The following KANSL3 variants were observed in gnomAD, a reference collection of about 807,000 sequenced individuals.
KANSL3 encodes the protein NSL complex protein NSL3.
A neutral mutation model predicts 89.2 loss-of-function variants in KANSL3; 16 were observed. That is an observed-to-expected ratio of 0.18 (90% CI 0.12 to 0.27). The LOEUF is 0.27. KANSL3 is among the 10% of genes least tolerant of loss of function. The probability of loss-of-function intolerance (pLI) is 1.00; values close to 1 mark genes in which losing one functional copy is unlikely to be tolerated. For synonymous variants in KANSL3, 385 were observed against 419.7 expected (o/e 0.92, Z 1.01); for missense variants, 879 against 1,110.6 (o/e 0.79, Z 2.96).
chr2:96,605,631 A>G, intron 14 of KANSL3, 120 bp from the exon 15 acceptor site: 1 of 802,960 alleles, frequency 1.2e-6, no homozygotes, highest in Non-Finnish European at 2.1e-6. Context: ...TAACCACTCT[A>G]CGTACAGGGC....
At chr2:96,596,519 A>G (rs1229258191) in intron 20 of KANSL3, among the ~76,000 whole-genome samples, 2 of 152,240 alleles carry the variant, frequency 1.3e-5, no homozygotes, top group Non-Finnish European at 2.9e-5. Flanking sequence ...ACACCAATGA[A>G]GAGGAGTTTG....
In KANSL3 at chr2:96,611,048, T is replaced by G; in HGVS notation, c.1161+16A>C. ...CACTGCCAATGACCCAGCACTCAGC[T>G]TTACCACATTCTTACCCCTCTGGGG... is the stretch of plus-strand genomic sequence containing the variant. On this transcript the variant is annotated intron_variant, in intron 10 of 20. Transcript: ENST00000431828. The G allele has an allele frequency of 7.4e-6, 12 of 1,613,406 alleles. No homozygotes were observed. The highest frequency in any genetic ancestry group is 1.0e-5 in the Non-Finnish European group (12 of 1,179,342).
Position 96,602,318 on chromosome 2 carries a change from G to A in KANSL3, c.2280C>T (p.Pro760=). ...PAPQATSVKL[P]TPMQSLGAIT... is the part of the protein sequence containing the mutation. ...TGGCACCCAGGCTCTGCATGGGGGT[G>A]GGCAACTTCACACTGGTGGCCTGTG... is the stretch of plus-strand genomic sequence containing the variant. Residue 760 remains proline (P), a synonymous_variant, in exon 19 of 21, where the codon CCC becomes CCT. Transcript: ENST00000431828. 1.2e-6 allele frequency: 2 copies of A among 1,609,986 alleles called. No homozygotes were observed. The highest frequency in any genetic ancestry group is 1.7e-6 in the Non-Finnish European group (2 of 1,178,478).
intron 14 of KANSL3, chr2:96,605,779 C>T (rs1207705304): frequency 7.9e-6 from 2 of 254,024 alleles, no homozygotes; most frequent in Non-Finnish European, 1.5e-5. Flanking sequence ...GAGAAGGGGC[C>T]CTGAGTTGGT....
chr2:96,625,811 GA>G (rs1288871821), intron 3 of KANSL3, among the ~76,000 whole-genome samples: 1 of 151,610 alleles, frequency 6.6e-6, no homozygotes, highest in Non-Finnish European at 1.5e-5. Context: ...TAAGTGGGCA[GA>G]AAAAAAATGA....
intron 3 of KANSL3, among the ~76,000 whole-genome samples, chr2:96,621,462 C>T (rs559731943): frequency 1.3e-5 from 2 of 150,694 alleles, no homozygotes; most frequent in South Asian, 4.2e-4. Context: ...TGCAGTGAGC[C>T]GAGATTGCGC....
chr2:96,604,405 T>C, intron 16 of KANSL3, 25 bp from the exon 17 acceptor site: 1 of 1,604,594 alleles, frequency 6.2e-7, no homozygotes, highest in South Asian at 1.1e-5. Context: ...AGGAGCTCTG[T>C]TATCCAAAGG....
chr2:96,628,792 G>A (rs2072870712), intron 3 of KANSL3: 3 of 150,958 alleles, frequency 2.0e-5, no homozygotes, highest in African/African-American at 7.3e-5. Context: ...AAATCACACA[G>A]TTCTCCTATG....
intron 14 of KANSL3, chr2:96,606,341 T>A (rs898072346): frequency 6.6e-6 from 1 of 152,564 alleles, no homozygotes; most frequent in African/African-American, 2.4e-5. Context: ...GACTCTTAGG[T>A]TATCTTTCAA....
At chr2:96,602,975 T>G in intron 17 of KANSL3, 113 bp from the exon 18 acceptor site, 1 of 886,570 alleles carries the variant, frequency 1.1e-6, no homozygotes, top group South Asian at 1.6e-5. Flanking sequence ...TGCTTGCCCT[T>G]GGACACCCGT....
chr2:96,595,720 G>A, intron 20 of KANSL3, 89 bp from the exon 21 acceptor site: 1 of 1,397,972 alleles, frequency 7.2e-7, no homozygotes, highest in Non-Finnish European at 9.9e-7. Context: ...CCCAACTCCT[G>A]AGAATTTATT....
In KANSL3 at chr2:96,596,153, C is replaced by A. The variant is rs146662971; in HGVS notation, c.2617-522G>T. ...GGGATGCCATCAATGTTGAGCCCTG[C>A]AGCTTAAGAATAAGGAAGCAAGTAG... On this transcript the variant is annotated intron_variant, in intron 20 of 20. Transcript: ENST00000431828. Among the ~76,000 whole-genome samples the A allele has an allele frequency of 7.5e-3, 1,142 of 152,328 alleles. 6 individuals are homozygous for A. Among genetic ancestry groups the A allele is most frequent in the Admixed American group, 0.013 (201 of 15,306 alleles).
At chr2:96,630,282 A>G (rs1054207305) in intron 3 of KANSL3, among the ~76,000 whole-genome samples, 8 of 152,242 alleles carry the variant, frequency 5.3e-5, no homozygotes, top group Non-Finnish European at 7.3e-5. Context: ...AATATCTATC[A>G]ACTGATTAAT....
rs1174774132 is a variant in KANSL3, at chr2:96,612,520, A to C, written c.956T>G (p.Val319Gly). The change falls in exon 8 of 21, where the codon GTA becomes GGA. Residue 319 changes from valine (V) to glycine (G), a missense_variant. Val to Gly is a moderately radical substitution (Grantham distance 109, BLOSUM62 -3). Coordinates refer to ENST00000431828, the MANE Select transcript of KANSL3 (RefSeq NM_001115016.3). The part of the protein sequence containing the change: ...ATHLLNNGSG[V>G]GVLQCLEHMI... The stretch of plus-strand genomic sequence containing the variant: ...ATGCTCGAGACACTGTAGAACTCCT[A>C]CCCCACTGCCATTGTTCAGCAGATG... The C allele has an allele frequency of 1.9e-6, 3 of 1,613,836 alleles. No homozygotes were observed. The highest frequency in any genetic ancestry group is 1.6e-4 in the Middle Eastern group (1 of 6,084).
intron 18 of KANSL3, 31 bp downstream of exon 18, chr2:96,602,722 C>A: frequency 6.5e-7 from 1 of 1,547,002 alleles, no homozygotes; most frequent in East Asian, 2.3e-5. Context: ...CTCCCTACAC[C>A]TGCCCAGCCC....
chr2:96,634,549 TGCCCC>T (rs754998821), intron 2 of KANSL3, among the ~76,000 whole-genome samples: 188 of 151,788 alleles, frequency 1.2e-3, no homozygotes, highest in Non-Finnish European at 2.2e-3. Flanking sequence ...CAAATCCTAG[TGCCCC>T]AAGGGTCCTT....
downstream of KANSL3, among the ~76,000 whole-genome samples, chr2:96,590,738 C>T (rs2066265322): frequency 2.0e-5 from 3 of 151,806 alleles, no homozygotes; most frequent in South Asian, 6.4e-4. Context: ...AATCCCAGCA[C>T]TTTGGGAGGC....
intron 15 of KANSL3, 149 bp from the exon 16 acceptor site, chr2:96,605,012 G>A: frequency 1.5e-6 from 1 of 664,896 alleles, no homozygotes. Flanking sequence ...GAGAGTTGGG[G>A]TTATTTTTTC....
the KANSL3 span, among the ~76,000 whole-genome samples, chr2:96,581,966 G>T: frequency 2.0e-5 from 3 of 152,040 alleles, no homozygotes; most frequent in South Asian, 4.2e-4. Context: ...TTCCTTGGGG[G>T]GCCTCTTTCC....
Sources: allele counts gnomAD v4.1 joint callset (sites outside exome capture counted in the v4.1 genomes callset), GRCh38; gene constraint gnomAD v4.1.1; transcripts MANE v1.5; gene names NCBI Gene and HGNC (gene_info 2026-07-23, HGNC 2026-07-21).